Variants in LRMDA observed in about 807,000 individuals in gnomAD.
The protein encoded by LRMDA is leucine rich melanocyte differentiation associated.
A neutral mutation model predicts 29.8 loss-of-function variants in LRMDA; 18 were observed. The ratio of observed to expected loss-of-function variants is 0.60; its 90% CI spans 0.42 to 0.90. The LOEUF (loss-of-function observed/expected upper bound fraction) is 0.90, where lower values mean the gene tolerates loss of function less well. Ranked by LOEUF, LRMDA falls within the 40% of genes least tolerant of loss-of-function variation. The probability of loss-of-function intolerance (pLI) is 0.00; values close to 1 mark genes in which losing one functional copy is unlikely to be tolerated. For missense variants in LRMDA, 273 were observed against 273.9 expected, an observed-to-expected ratio of 1.00 and a Z score of 0.02; for synonymous variants, 125 against 109.4, an observed-to-expected ratio of 1.14 and a Z score of -0.89.
chr10:75,914,982 A>T (rs1845905920), intron 2 of LRMDA, among the ~76,000 whole-genome samples: 2 of 152,162 alleles, frequency 1.3e-5, no homozygotes, highest in South Asian at 2.1e-4. Flanking sequence ...TGGCCCATTG[A>T]AGAACCAGGT....
chr10:75,718,195 C>A (rs1393888693), intron 2 of LRMDA, among the ~76,000 whole-genome samples: 1 of 152,214 alleles, frequency 6.6e-6, no homozygotes, highest in Non-Finnish European at 1.5e-5. Flanking sequence ...GGCACTCGAT[C>A]AGCAATTATT....
At chr10:76,386,367 T>G (rs1234009617) in intron 6 of LRMDA, among the ~76,000 whole-genome samples, 2 of 152,242 alleles carry the variant, frequency 1.3e-5, no homozygotes, top group Admixed American at 6.5e-5. Flanking sequence ...AGTTGCAAGT[T>G]ACTAATGCTG....
At chr10:76,135,990 T>C (rs925133513) in intron 5 of LRMDA, among the ~76,000 whole-genome samples, 7 of 152,208 alleles carry the variant, frequency 4.6e-5, no homozygotes, top group African/African-American at 1.7e-4. Flanking sequence ...CAGTGCTTTA[T>C]CTTGTAGTTT....
intron 2 of LRMDA, among the ~76,000 whole-genome samples, chr10:75,987,837 C>T (rs1236497694): frequency 2.0e-5 from 3 of 152,124 alleles, no homozygotes; most frequent in East Asian, 3.9e-4. Context: ...GCCAAGTCAC[C>T]AGAAATCAAA....
chr10:75,841,075 C>A (rs1363487767), intron 2 of LRMDA, among the ~76,000 whole-genome samples: 1 of 152,136 alleles, frequency 6.6e-6, no homozygotes, highest in East Asian at 1.9e-4. Context: ...TCATCTTCAG[C>A]AGAATTCATA....
At chr10:75,653,630 T>C (rs955288897) in intron 2 of LRMDA, among the ~76,000 whole-genome samples, 9 of 152,368 alleles carry the variant, frequency 5.9e-5, no homozygotes, top group Non-Finnish European at 1.0e-4. Flanking sequence ...TTGCATGTGC[T>C]GTGTAACATA....
At chr10:75,862,402 C>T (rs1240099573) in intron 2 of LRMDA, among the ~76,000 whole-genome samples, 1 of 152,164 alleles carries the variant, frequency 6.6e-6, no homozygotes, top group African/African-American at 2.4e-5. Context: ...AGTGAAAGAA[C>T]TACCTGTTTT....
chr10:76,465,006 T>C (rs539298330), intron 6 of LRMDA: 8 of 152,312 alleles, frequency 5.3e-5, no homozygotes, highest in African/African-American at 1.7e-4. Context: ...CAGACCGCAC[T>C]GCAGAGGCTG....
intron 2 of LRMDA, among the ~76,000 whole-genome samples, chr10:75,676,131 C>T (rs1037679738): frequency 6.6e-6 from 1 of 151,400 alleles, no homozygotes; most frequent in African/African-American, 2.5e-5. Context: ...TCCCAGGTTA[C>T]TGCCTTTGAT....
chr10:76,169,195 C>T (rs1850791759), intron 5 of LRMDA, among the ~76,000 whole-genome samples: 1 of 152,166 alleles, frequency 6.6e-6, no homozygotes, highest in South Asian at 2.1e-4. Flanking sequence ...TGATAGGATT[C>T]TTCGGCATAA....
intron 5 of LRMDA, among the ~76,000 whole-genome samples, chr10:76,206,792 C>T (rs1254662443): frequency 6.6e-6 from 1 of 152,196 alleles, no homozygotes; most frequent in Non-Finnish European, 1.5e-5. Flanking sequence ...TTGCCCCAGA[C>T]TTTCATGCAG....
At chr10:76,148,475 A>C (rs1037918448) in intron 5 of LRMDA, among the ~76,000 whole-genome samples, 2 of 152,194 alleles carry the variant, frequency 1.3e-5, no homozygotes, top group Non-Finnish European at 2.9e-5. Flanking sequence ...CACGGTGGGC[A>C]TAGGACCCTC....
At chr10:76,257,206 TA>T (rs926399702) in intron 5 of LRMDA, among the ~76,000 whole-genome samples, 27 of 152,202 alleles carry the variant, frequency 1.8e-4, no homozygotes, top group East Asian at 9.6e-4. Context: ...AAAAGCAAAT[TA>T]AAAAAATAAT....
At chr10:76,081,321 A>G (rs929967364) in intron 5 of LRMDA, among the ~76,000 whole-genome samples, 1 of 152,118 alleles carries the variant, frequency 6.6e-6, no homozygotes, top group Non-Finnish European at 1.5e-5. Context: ...AAAAAATACA[A>G]AAATTAGCCG....
chr10:75,800,723 T>G (rs1843733025), intron 2 of LRMDA, among the ~76,000 whole-genome samples: 1 of 152,220 alleles, frequency 6.6e-6, no homozygotes, highest in Admixed American at 6.5e-5. Flanking sequence ...TTCAAACATT[T>G]GGGTTATCTC....
chr10:76,459,592 G>C (rs1287774332), intron 6 of LRMDA, among the ~76,000 whole-genome samples: 1 of 152,176 alleles, frequency 6.6e-6, no homozygotes, highest in Non-Finnish European at 1.5e-5. Context: ...ACTGCGAAAT[G>C]TGTGGTTGAG....
At chr10:76,357,029 A>G (rs1329100061) in intron 6 of LRMDA, among the ~76,000 whole-genome samples, 1 of 152,198 alleles carries the variant, frequency 6.6e-6, no homozygotes, top group Non-Finnish European at 1.5e-5. Context: ...ACAAGATGTG[A>G]GTGCAAACCA....
intron 6 of LRMDA, among the ~76,000 whole-genome samples, chr10:76,339,091 T>C (rs1387502225): frequency 1.3e-5 from 2 of 152,174 alleles, no homozygotes; most frequent in African/African-American, 2.4e-5. Flanking sequence ...ACCTTCCTTT[T>C]GTTACATGGA....
chr10:76,251,701 G>A (rs1852488125), intron 5 of LRMDA, among the ~76,000 whole-genome samples: 1 of 152,160 alleles, frequency 6.6e-6, no homozygotes, highest in Non-Finnish European at 1.5e-5. Flanking sequence ...AAGGGAAATG[G>A]GTCACCCATT....
Sources: allele counts gnomAD v4.1 joint callset (sites outside exome capture counted in the v4.1 genomes callset), GRCh38; gene constraint gnomAD v4.1.1; transcripts MANE v1.5; gene names NCBI Gene and HGNC (gene_info 2026-07-23, HGNC 2026-07-21).